WSCD2: variants seen among roughly 807,000 people sequenced by gnomAD.
WSCD2 encodes sialate:O-sulfotransferase 2.
In WSCD2, 28 loss-of-function variants were observed where a neutral mutation model predicts 55.7. The observed-to-expected ratio is 0.50, with a 90% CI of 0.37 to 0.69. WSCD2 has a LOEUF of 0.69. Among genes scored for constraint, WSCD2 ranks in the 30% least tolerant of loss-of-function variants. The probability of loss-of-function intolerance (pLI) is 0.00; values close to 1 mark genes in which losing one functional copy is unlikely to be tolerated. For missense variants in WSCD2, 616 were observed against 762.1 expected (o/e 0.81, Z 2.26); for synonymous variants, 301 against 301.9 (o/e 1.00, Z 0.03).
chr12:108,181,402 G>C (rs1263871485), intron 1 of WSCD2, among the ~76,000 whole-genome samples: 1 of 152,146 alleles, frequency 6.6e-6, no homozygotes, highest in Non-Finnish European at 1.5e-5. Context: ...AATAAATTAA[G>C]AGATACAAGA....
At position 108,199,271 on chromosome 12, in the gene WSCD2, C is replaced by T. The variant is rs149711095; in HGVS notation, c.382+3057C>T. 6.7e-3 allele frequency among the ~76,000 whole-genome samples: 1,025 copies of T among 152,338 alleles called. 22 individuals carry two copies. The highest frequency in any genetic ancestry group is 0.024 in the African/African-American group (984 of 41,568). On this transcript the variant is annotated intron_variant, in intron 2 of 8. Transcript: ENST00000547525. ...TTGTTTTCTCCAAGGCTGGTGAGGG[C>T]TCTGCTTGATGCAGTGATGCAGGAC...
intron 1 of WSCD2, among the ~76,000 whole-genome samples, chr12:108,188,288 C>T (rs568380171): frequency 1.3e-5 from 2 of 151,988 alleles, no homozygotes; most frequent in African/African-American, 4.8e-5. Context: ...GGGCAACATA[C>T]GGGTGTGCCT....
At chr12:108,230,822 C>T (rs934080043) in intron 6 of WSCD2, among the ~76,000 whole-genome samples, 3 of 152,160 alleles carry the variant, frequency 2.0e-5, no homozygotes, top group African/African-American at 2.4e-5. Flanking sequence ...CACTGAGGAC[C>T]TTGCCCATAA....
At chr12:108,246,977 G>T (rs1056488852) in intron 8 of WSCD2, among the ~76,000 whole-genome samples, 2 of 152,174 alleles carry the variant, frequency 1.3e-5, no homozygotes, top group East Asian at 3.8e-4. Context: ...CATTGATTGA[G>T]CACCTGCTGA....
At chr12:108,167,217 G>C (rs565366717) in intron 1 of WSCD2, among the ~76,000 whole-genome samples, 12 of 152,248 alleles carry the variant, frequency 7.9e-5, no homozygotes, top group East Asian at 5.8e-4. Context: ...TGAATGATAA[G>C]ATGAGATGAA....
intron 1 of WSCD2, among the ~76,000 whole-genome samples, chr12:108,187,370 A>G (rs1882634011): frequency 1.3e-5 from 2 of 152,208 alleles, no homozygotes; most frequent in East Asian, 3.9e-4. Context: ...TGTCATGAGA[A>G]GAGGTAAATG....
At chr12:108,166,777 C>CTT (rs1443983319) in intron 1 of WSCD2, among the ~76,000 whole-genome samples, 1 of 136,446 alleles carries the variant, frequency 7.3e-6, no homozygotes, top group African/African-American at 2.7e-5. Context: ...TTCTTTCTTT[C>CTT]TTTCTTTCTT....
chr12:108,245,943 T>G (rs906111852), intron 8 of WSCD2, among the ~76,000 whole-genome samples: 2 of 152,202 alleles, frequency 1.3e-5, no homozygotes, highest in African/African-American at 4.8e-5. Context: ...TTGCCACAGA[T>G]TCTGATGTGT....
At chr12:108,148,924 G>A (rs1156267542) in intron 1 of WSCD2, among the ~76,000 whole-genome samples, 1 of 152,152 alleles carries the variant, frequency 6.6e-6, no homozygotes. Context: ...TGTGGAGCTG[G>A]GCATGTCTGA....
Position 108,133,382 on chromosome 12 carries a change from T to G in WSCD2, c.-552+3456T>G, listed in dbSNP as rs543309674. On this transcript the variant is annotated intron_variant, in intron 1 of 8. Transcript: ENST00000547525. The stretch of plus-strand genomic sequence containing the variant: ...TTTTGCACATCTCTGGGCGTACATG[T>G]GTGTTTTTCTGAGCGTGTTTGCCTG... Among the ~76,000 whole-genome samples the G allele has an allele frequency of 5.1e-4, 77 of 152,298 alleles. 1 individual carries two copies. The South Asian group carries it at 9.6e-3, about 19-fold the overall frequency.
rs114569134 is a variant in WSCD2 at position 108,138,376 on chromosome 12, G to A, written c.-552+8450G>A. On this transcript the variant is annotated intron_variant, in intron 1 of 8. Transcript: ENST00000547525. ...ACTCTGTTGTGCCTTAGGAGTGAGG[G>A]CTAAGAACTTGGGCTTTGGGATTGA... is the stretch of plus-strand genomic sequence containing the variant. 6.2e-3 allele frequency among the ~76,000 whole-genome samples: 950 copies of A among 152,272 alleles called. 15 individuals carry two copies. The highest frequency in any genetic ancestry group is 0.022 in the African/African-American group (902 of 41,548).
chr12:108,227,985 T>C (rs1247033441), intron 6 of WSCD2, among the ~76,000 whole-genome samples: 15 of 151,760 alleles, frequency 9.9e-5, no homozygotes, highest in Admixed American at 9.8e-4. Context: ...ATCCTTCATA[T>C]ACATGTTTTC....
chr12:108,180,913 G>A (rs561351440), intron 1 of WSCD2, among the ~76,000 whole-genome samples: 6 of 152,386 alleles, frequency 3.9e-5, no homozygotes, highest in African/African-American at 7.2e-5. Context: ...TTGTGAGCCT[G>A]TGAAAATGGA....
At chr12:108,200,816 G>C (rs1004223896) in intron 2 of WSCD2, among the ~76,000 whole-genome samples, 1 of 152,138 alleles carries the variant, frequency 6.6e-6, no homozygotes, top group African/African-American at 2.4e-5. Context: ...TAGTATGTAG[G>C]ATCCTTATGC....
chr12:108,131,631 G>A, intron 1 of WSCD2: 1 of 152,446 alleles, frequency 6.6e-6, no homozygotes, highest in Non-Finnish European at 1.5e-5. Flanking sequence ...ATCTATCTGG[G>A]TGCTGTTTTC....
rs1889186588 is a variant in WSCD2 at position 108,235,516 on chromosome 12, TC to T, written c.1144+2622del. Among the ~76,000 whole-genome samples the T allele has an allele frequency of 2.6e-5, 4 of 152,236 alleles. No homozygotes were observed. In the South Asian group the frequency reaches 8.3e-4, roughly 32 times the overall value. On this transcript the variant is annotated intron_variant, in intron 7 of 8. Transcript: ENST00000547525. ...TGGCCCTAGACAAAGAACCCAGCATTCTTACTTCCAGACCCAAAACATTCCA... is the reference window on the plus strand; with the variant it reads ...TGGCCCTAGACAAAGAACCCAGCATTTTACTTCCAGACCCAAAACATTCCA...
In WSCD2 at chr12:108,157,084, G is replaced by A. The variant is rs114381888; in HGVS notation, c.-552+27158G>A. On this transcript the variant is annotated intron_variant, in intron 1 of 8. Transcript: ENST00000547525. ...CAACAGAATTTGCAAACAGGCAGTT[G>A]TAAACTTGAATGAGGGCCCCAGATA... is the stretch of plus-strand genomic sequence containing the variant. Among the ~76,000 whole-genome samples, 1,337 of 152,250 alleles carry A rather than the reference G, an allele frequency of 8.8e-3. 24 individuals are homozygous for A. The highest frequency in any genetic ancestry group is 0.03 in the African/African-American group (1,265 of 41,552).
intron 1 of WSCD2, among the ~76,000 whole-genome samples, chr12:108,194,629 A>C (rs74436945): frequency 0.032 from 4,826 of 152,308 alleles, 128 homozygotes; most frequent in Admixed American, 0.081. Context: ...TAGACACTCA[A>C]TAAACACTGA....
At chr12:108,186,870 G>A (rs1190092820) in intron 1 of WSCD2, among the ~76,000 whole-genome samples, 1 of 152,138 alleles carries the variant, frequency 6.6e-6, no homozygotes, top group South Asian at 2.1e-4. Flanking sequence ...CTCATTCAGT[G>A]CTGTCTATAA....
Sources: allele counts gnomAD v4.1 joint callset (sites outside exome capture counted in the v4.1 genomes callset), GRCh38; gene constraint gnomAD v4.1.1; transcripts MANE v1.5; gene names NCBI Gene and HGNC (gene_info 2026-07-23, HGNC 2026-07-21).